The following OSBPL10 variants were observed in gnomAD, a reference collection of about 807,000 sequenced individuals.
The protein encoded by OSBPL10 is oxysterol-binding protein-related protein 10.
OSBPL10 carries 49 observed loss-of-function variants against 81.7 expected under a neutral mutation model. The ratio of observed to expected loss-of-function variants is 0.60; its 90% CI spans 0.48 to 0.76. The LOEUF (loss-of-function observed/expected upper bound fraction) is 0.76, where lower values mean the gene tolerates loss of function less well. Ranked by LOEUF, OSBPL10 falls within the 30% of genes least tolerant of loss-of-function variation. The probability of loss-of-function intolerance (pLI) is 0.00; values close to 1 mark genes in which losing one functional copy is unlikely to be tolerated. For synonymous variants in OSBPL10, 419 were observed against 383.6 expected, an observed-to-expected ratio of 1.09 and a Z score of -1.08; for missense variants, 923 against 987.8, an observed-to-expected ratio of 0.93 and a Z score of 0.88.
intron 7 of OSBPL10, among the ~76,000 whole-genome samples, chr3:31,701,094 T>C (rs1695879773): frequency 3.9e-5 from 6 of 152,226 alleles, no homozygotes; most frequent in Admixed American, 3.9e-4. Flanking sequence ...GAGAGGCTCC[T>C]ATCTCCTCAG....
intron 1 of OSBPL10, among the ~76,000 whole-genome samples, chr3:32,069,942 T>C (rs1699813734): frequency 6.6e-6 from 1 of 152,212 alleles, no homozygotes; most frequent in African/African-American, 2.4e-5. Context: ...AGACATGCCC[T>C]GTCTGTGTGG....
chr3:31,871,863 A>AAC lies in OSBPL10; in HGVS notation c.537+4568_537+4569dup, dbSNP rs146056634. 5.3e-3 allele frequency among the ~76,000 whole-genome samples: 799 copies of AAC among 151,886 alleles called. 9 individuals are homozygous for AAC. The highest frequency in any genetic ancestry group is 0.017 in the African/African-American group (708 of 41,474). ...GCAACAGAATGAGACCCTGTCTCAA[A>AAC]ACACACACACACACATGCACACGCA... On this transcript the variant is annotated intron_variant, in intron 3 of 11. Coordinates refer to ENST00000396556, the MANE Select transcript of OSBPL10 (RefSeq NM_017784.5).
chr3:31,720,301 T>C (rs984405211), intron 6 of OSBPL10, among the ~76,000 whole-genome samples: 6 of 152,068 alleles, frequency 3.9e-5, no homozygotes, highest in African/African-American at 1.4e-4. Flanking sequence ...AAATGAGACA[T>C]CATAGTTTCA....
rs1288985521 is a variant in OSBPL10 at position 31,664,076 on chromosome 3, T to G, written c.2250+3A>C. On this transcript the variant is annotated splice_donor_region_variant and intron_variant, in intron 11 of 11. Transcript: ENST00000396556. ...AGGGACCAATGACAGGCGGCAGAGT[T>G]ACCTCCTGGATAAAATATTTGGGCT... 1 of 1,614,108 alleles carries G rather than the reference T, an allele frequency of 6.2e-7. No individual in the cohort carries two copies. Among genetic ancestry groups the G allele is most frequent in the East Asian group, 2.2e-5 (1 of 44,866 alleles).
chr3:31,896,236 G>T (rs1457150725), intron 1 of OSBPL10, among the ~76,000 whole-genome samples: 1 of 152,160 alleles, frequency 6.6e-6, no homozygotes, highest in Non-Finnish European at 1.5e-5. Context: ...AAGAGTTATT[G>T]CATCACTTTT....
intron 4 of OSBPL10, among the ~76,000 whole-genome samples, chr3:31,820,234 T>C (rs894256038): frequency 3.3e-5 from 5 of 152,186 alleles, no homozygotes; most frequent in Non-Finnish European, 5.9e-5. Flanking sequence ...ATTCATGTAG[T>C]AATAGCTATT....
intron 7 of OSBPL10, among the ~76,000 whole-genome samples, chr3:31,696,479 T>C (rs1049203272): frequency 7.2e-5 from 11 of 152,268 alleles, no homozygotes; most frequent in African/African-American, 2.4e-4. Context: ...CCATCAGACT[T>C]TGGCAAAGCC....
At chr3:31,769,479 A>AAAAAAC (rs1698309095) in intron 4 of OSBPL10, among the ~76,000 whole-genome samples, 1 of 138,696 alleles carries the variant, frequency 7.2e-6, no homozygotes, top group African/African-American at 2.7e-5. Flanking sequence ...ACAAAAAAAA[A>AAAAAAC]CAGAATAAAA....
In OSBPL10 at chr3:31,672,611, C is replaced by T. The variant is rs1700353596; in HGVS notation, c.1727-1628G>A. On this transcript the variant is annotated intron_variant, in intron 8 of 11. Transcript: ENST00000396556. ...ATAGTTCAATTTACCGTGGAGAATT[C>T]CTCTAATTGCCCATGCACTATGGTA... Among the ~76,000 whole-genome samples, 4 of 152,110 alleles carry T rather than the reference C, an allele frequency of 2.6e-5. No homozygotes were observed. In the South Asian group the frequency reaches 8.3e-4, roughly 32 times the overall value.
At chr3:31,953,122 C>T (rs527877364) in intron 1 of OSBPL10, among the ~76,000 whole-genome samples, 9 of 151,388 alleles carry the variant, frequency 5.9e-5, no homozygotes, top group Admixed American at 5.3e-4. Flanking sequence ...TTAGTAGAGA[C>T]GGGGGTCTCA....
rs1197302245 is a variant in OSBPL10, at chr3:31,930,175, T to TA, written c.282-50346dup. Among the ~76,000 whole-genome samples the TA allele has an allele frequency of 1.8e-3, 271 of 151,966 alleles. 1 individual carries two copies. The highest frequency in any genetic ancestry group is 6.3e-3 in the African/African-American group (261 of 41,396). ...ATCTCAAAAAAAAAAAATTTTTTTT[T>TA]AATTAAAAAACAGTTCACAGATAAG... On this transcript the variant is annotated intron_variant, in intron 1 of 11. Coordinates refer to ENST00000396556, the MANE Select transcript of OSBPL10 (RefSeq NM_017784.5).
intron 2 of OSBPL10, among the ~76,000 whole-genome samples, chr3:32,026,944 A>G (rs1005937716): frequency 6.6e-6 from 1 of 152,232 alleles, no homozygotes; most frequent in African/African-American, 2.4e-5. Flanking sequence ...GTTCTCACTC[A>G]GAGAGGACAT....
chr3:31,931,981 G>C (rs1043090829), intron 1 of OSBPL10, among the ~76,000 whole-genome samples: 8 of 152,196 alleles, frequency 5.3e-5, no homozygotes, highest in African/African-American at 1.9e-4. Flanking sequence ...GGCAGAGGTT[G>C]CAGTGAGCCA....
rs141263490 is a variant in OSBPL10 at position 31,747,950 on chromosome 3, C to T, written c.900G>A (p.Val300=). ...TCTGGCTGGGCTGGCCCGCCTGGTGCACACTCTGCTGTAACAAGTTGAGGC... is the reference window on the plus strand; with the variant it reads ...TCTGGCTGGGCTGGCCCGCCTGGTGTACACTCTGCTGTAACAAGTTGAGGC... ...GECLNLLQQS[V]HQAGQPSQKP... Residue 300 remains valine (V), a synonymous_variant, in exon 5 of 12, where the codon GTG becomes GTA. Coordinates refer to ENST00000396556, the MANE Select transcript of OSBPL10 (RefSeq NM_017784.5). 8.7e-3 allele frequency: 14,081 copies of T among 1,613,994 alleles called. 123 individuals are homozygous for T. The highest frequency in any genetic ancestry group is 0.01 in the Non-Finnish European group (12,080 of 1,180,038).
chr3:31,902,451 C>T (rs1036031964), intron 1 of OSBPL10, among the ~76,000 whole-genome samples: 2 of 151,734 alleles, frequency 1.3e-5, no homozygotes, highest in South Asian at 2.1e-4. Context: ...TTAGTAGAGA[C>T]GGGGTTTCAC....
chr3:31,744,197 C>T (rs921679208), intron 5 of OSBPL10, among the ~76,000 whole-genome samples: 1 of 152,150 alleles, frequency 6.6e-6, no homozygotes, highest in Non-Finnish European at 1.5e-5. Flanking sequence ...GCTTCATGCT[C>T]TATTCTCCAA....
At chr3:31,994,227 G>C (rs1342715844) in intron 2 of OSBPL10, among the ~76,000 whole-genome samples, 1 of 152,192 alleles carries the variant, frequency 6.6e-6, no homozygotes, top group Non-Finnish European at 1.5e-5. Context: ...TAAGAGTGGA[G>C]CAAGTGTTTG....
intron 5 of OSBPL10, among the ~76,000 whole-genome samples, chr3:31,743,415 T>G (rs1384390872): frequency 6.6e-6 from 1 of 152,178 alleles, no homozygotes; most frequent in Non-Finnish European, 1.5e-5. Flanking sequence ...CCAGTATATC[T>G]TGGAGATAAT....
At chr3:31,929,470 G>C (rs111309295) in intron 1 of OSBPL10, among the ~76,000 whole-genome samples, 1 of 152,044 alleles carries the variant, frequency 6.6e-6, no homozygotes, top group South Asian at 2.1e-4. Flanking sequence ...AATATCGGCC[G>C]GGCGCGGTGG....
Sources: gnomAD v4.1 joint callset for allele counts (sites outside exome capture counted in the v4.1 genomes callset) on GRCh38, gnomAD v4.1.1 for gene constraint, MANE v1.5 for transcripts, NCBI Gene and HGNC (gene_info 2026-07-23, HGNC 2026-07-21) for gene names.